The following VRK1 variants were observed in gnomAD, a reference collection of about 807,000 sequenced individuals.
The protein encoded by VRK1 is VRK serine/threonine kinase 1, also known as serine/threonine-protein kinase VRK1.
VRK1 carries 33 observed loss-of-function variants against 57.1 expected under a neutral mutation model. That is an observed-to-expected ratio of 0.58 (90% CI 0.44 to 0.77). The LOEUF (loss-of-function observed/expected upper bound fraction) is 0.77. Ranked by LOEUF, VRK1 falls within the 30% of genes least tolerant of loss-of-function variation. The pLI is 0.00. For missense variants in VRK1, 413 were observed against 477.3 expected (o/e 0.87, Z 1.25); for synonymous variants, 137 against 147.8 (o/e 0.93, Z 0.53).
chr14:96,845,220 A>G (rs1424143168), intron 3 of VRK1, among the ~76,000 whole-genome samples: 1 of 140,956 alleles, frequency 7.1e-6, no homozygotes, highest in Non-Finnish European at 1.6e-5. Flanking sequence ...ACTTTTTTTA[A>G]TTCCCAATAA....
intron 1 of VRK1, among the ~76,000 whole-genome samples, chr14:96,819,915 G>A (rs905914168): frequency 1.3e-5 from 2 of 152,124 alleles, no homozygotes; most frequent in African/African-American, 4.8e-5. Flanking sequence ...TTCTGTTGAC[G>A]AATGCTGGCT....
At chr14:96,808,002 C>CCTCTCTCTCTCT (rs1555357995) in intron 1 of VRK1, among the ~76,000 whole-genome samples, 2 of 118,138 alleles carry the variant, frequency 1.7e-5, no homozygotes, top group Non-Finnish European at 3.5e-5. Flanking sequence ...TCCCTCTCTC[C>CCTCTCTCTCTCT]CTCTCTCTCT....
intron 1 of VRK1, among the ~76,000 whole-genome samples, chr14:96,832,588 G>A (rs80224112): frequency 0.083 from 12,616 of 152,110 alleles, 685 homozygotes; most frequent in Non-Finnish European, 0.13. Flanking sequence ...TGTCATACCT[G>A]CAATCCAGGT....
intron 1 of VRK1, among the ~76,000 whole-genome samples, chr14:96,815,411 C>T (rs1886354601): frequency 6.6e-6 from 1 of 151,830 alleles, no homozygotes; most frequent in African/African-American, 2.4e-5. Flanking sequence ...CTAGTGAAAG[C>T]CATTATTTGA....
intron 1 of VRK1, among the ~76,000 whole-genome samples, chr14:96,804,943 T>C (rs778813771): frequency 6.6e-5 from 10 of 152,244 alleles, no homozygotes; most frequent in African/African-American, 2.2e-4. Flanking sequence ...GCTACTGTTA[T>C]TAAGTTGTAC....
rs376314399 is a variant in VRK1, at chr14:96,847,388, A to G, written c.374+44A>G. 1.5e-4 allele frequency: 220 copies of G among 1,510,350 alleles called. 1 individual carries two copies. Among genetic ancestry groups the G allele is most frequent in the Non-Finnish European group, 1.9e-4 (210 of 1,086,684 alleles). 93.6% of individuals were successfully genotyped at this position (1,510,350 alleles called of 1,614,324 possible). A position where few individuals can be genotyped will look rare whatever the true frequency, so the allele number is the denominator to read the frequency against. ...TGTCTTTCTCCTTCCCTTTTGCAAC[A>G]TTCACTATTTAGTTGGTTTAGTCAG... On this transcript the variant is annotated intron_variant, in intron 5 of 12. Coordinates refer to ENST00000216639, the MANE Select transcript of VRK1 (RefSeq NM_003384.3).
chr14:96,847,000 T>A (rs1049201047), intron 4 of VRK1, among the ~76,000 whole-genome samples: 4 of 151,842 alleles, frequency 2.6e-5, no homozygotes, highest in South Asian at 2.1e-4. Context: ...AGTTTTGATT[T>A]AAAAAAAATG....
At position 96,868,603 on chromosome 14, in the gene VRK1, A is replaced by G. The variant is rs919663248; in HGVS notation, c.1069-7427A>G. ...ATACTATTTTTTGATCTCTGTATAT[A>G]TAAGTACTTTACTATAAGTGATACA... On this transcript the variant is annotated intron_variant, in intron 11 of 12. Transcript: ENST00000216639. Among the ~76,000 whole-genome samples the G allele has an allele frequency of 6.6e-5, 10 of 152,298 alleles. No homozygotes were observed. In the East Asian group the frequency reaches 1.4e-3, roughly 21 times the overall value.
In VRK1 at chr14:96,860,629, G is replaced by T. The variant is rs200927943; in HGVS notation, c.962G>T (p.Arg321Leu). Residue 321 changes from arginine (R) to leucine (L), a missense_variant, in exon 11 of 13, where the codon CGT becomes CTT. This residue lies in a region of VRK1 where 146 missense variants were observed against 138.2 expected (regional missense o/e 1.06). Coordinates refer to ENST00000216639, the MANE Select transcript of VRK1 (RefSeq NM_003384.3). ...GAAAAACCTCTTTATGAAAATTTACGTGACATTCTTTTGCAAGGACTAAAA... is the reference window on the plus strand; with the variant it reads ...GAAAAACCTCTTTATGAAAATTTACTTGACATTCTTTTGCAAGGACTAAAA... ...YTEKPLYENL[R>L]DILLQGLKAI... The T allele has an allele frequency of 6.2e-7, 1 of 1,613,192 alleles. No individual in the cohort carries two copies.
chr14:96,823,571 A>C (rs573691455), intron 1 of VRK1, among the ~76,000 whole-genome samples: 2 of 152,286 alleles, frequency 1.3e-5, no homozygotes, highest in East Asian at 3.9e-4. Flanking sequence ...GATTCAACTT[A>C]ATTTCTGCCT....
At chr14:96,869,651 A>G (rs1306822693) in intron 11 of VRK1, among the ~76,000 whole-genome samples, 3 of 152,234 alleles carry the variant, frequency 2.0e-5, no homozygotes, top group African/African-American at 4.8e-5. Flanking sequence ...TTTTAAGAAC[A>G]TATAAGTCAA....
At chr14:96,826,399 A>G (rs1470713553) in intron 1 of VRK1, among the ~76,000 whole-genome samples, 1 of 152,246 alleles carries the variant, frequency 6.6e-6, no homozygotes, top group South Asian at 2.1e-4. Context: ...AATATGGAAT[A>G]TACCAATGAG....
intron 3 of VRK1, among the ~76,000 whole-genome samples, chr14:96,845,849 G>A (rs924989780): frequency 6.6e-6 from 1 of 152,098 alleles, no homozygotes; most frequent in Non-Finnish European, 1.5e-5. Context: ...TGCAGGCTGA[G>A]CTATATATCT....
Position 96,833,672 on chromosome 14 carries a change from A to G in VRK1, c.160+41A>G, listed in dbSNP as rs369894023. 6 of 1,612,416 alleles carry G rather than the reference A, an allele frequency of 3.7e-6. No homozygotes were observed. In the East Asian group the frequency reaches 8.9e-5, roughly 24 times the overall value. ...CTTCTAATGATCAATCCAAAGATTT[A>G]TATGTTTTCTTATGAAAATGGTTTC... is the stretch of plus-strand genomic sequence containing the variant. On this transcript the variant is annotated intron_variant, in intron 2 of 12. Coordinates refer to ENST00000216639, the MANE Select transcript of VRK1 (RefSeq NM_003384.3).
chr14:96,838,679 C>T (rs987865919), intron 3 of VRK1, among the ~76,000 whole-genome samples: 1 of 152,154 alleles, frequency 6.6e-6, no homozygotes, highest in African/African-American at 2.4e-5. Context: ...CAGCTCCCGC[C>T]CACGACACAT....
At position 96,839,084 on chromosome 14, in the gene VRK1, G is replaced by GTTTTTT. The variant is rs555020075; in HGVS notation, c.216+1281_216+1286dup. On this transcript the variant is annotated intron_variant, in intron 3 of 12. Coordinates refer to ENST00000216639, the MANE Select transcript of VRK1 (RefSeq NM_003384.3). ...CCTTGGAGGCAACCACTTGTCTTGAGTTTTTTTTTTTTTTTTTTTGCCGTG... is the reference window on the plus strand; with the variant it reads ...CCTTGGAGGCAACCACTTGTCTTGAGTTTTTTTTTTTTTTTTTTTTTTTTTGCCGTG... Among the ~76,000 whole-genome samples the GTTTTTT allele has an allele frequency of 3.6e-5, 4 of 112,404 alleles. 1 individual carries two copies. Among genetic ancestry groups the GTTTTTT allele is most frequent in the Admixed American group, 9.1e-5 (1 of 11,002 alleles). 73.7% of individuals were successfully genotyped at this position (112,404 alleles called of 152,430 possible).
At chr14:96,831,462 A>G (rs1887000826) in intron 1 of VRK1, among the ~76,000 whole-genome samples, 1 of 152,202 alleles carries the variant, frequency 6.6e-6, no homozygotes, top group African/African-American at 2.4e-5. Flanking sequence ...GTTCTGTGGG[A>G]CTATTTTTAG....
intron 3 of VRK1, among the ~76,000 whole-genome samples, chr14:96,845,376 A>G (rs952290589): frequency 6.6e-6 from 1 of 152,216 alleles, no homozygotes; most frequent in African/African-American, 2.4e-5. Flanking sequence ...ACAGGCTGTT[A>G]TTTCTTGTTT....
chr14:96,808,342 A>C (rs2139688838), intron 1 of VRK1, among the ~76,000 whole-genome samples: 1 of 152,306 alleles, frequency 6.6e-6, no homozygotes, highest in South Asian at 2.1e-4. Flanking sequence ...CTTGGAAGTC[A>C]TCCTTTATTT....
Sources: gnomAD v4.1 joint callset for allele counts (sites outside exome capture counted in the v4.1 genomes callset) on GRCh38, gnomAD v4.1.1 for gene constraint, gnomAD v4.1.1 regional missense constraint, MANE v1.5 for transcripts, NCBI Gene and HGNC (gene_info 2026-07-23, HGNC 2026-07-21) for gene names.